The following COX7B variants were observed in gnomAD, a reference collection of about 807,000 sequenced individuals.
COX7B encodes cytochrome c oxidase subunit 7B.
A neutral mutation model predicts 7.9 loss-of-function variants in COX7B; 2 were observed. The observed-to-expected ratio is 0.25, with a 90% CI of 0.10 to 0.79. The LOEUF (loss-of-function observed/expected upper bound fraction) is 0.79, where lower values mean the gene tolerates loss of function less well. Among genes scored for constraint, COX7B ranks in the 30% least tolerant of loss-of-function variants. COX7B has a pLI of 0.69. For missense variants in COX7B, 54 were observed against 62.7 expected (o/e 0.86, Z 0.47); for synonymous variants, 19 against 21.1 (o/e 0.90, Z 0.27).
chrX:77,903,593 T>C (rs1557220817), intron 2 of COX7B, among the ~76,000 whole-genome samples: 1 of 111,206 alleles, frequency 9.0e-6, no homozygotes, highest in African/African-American at 3.3e-5. Context: ...CCCACTTCCA[T>C]ATAACAGCCA....
In COX7B at chrX:77,907,020, A is replaced by C. The variant is rs1168943585; in HGVS notation, c.*1759A>C. ...TTTTTTTGTAGTTTTCTTGATCGTG[A>C]TCAATTAAGCAGAAAGTAGAATTTC... On this transcript the variant is annotated 3_prime_UTR_variant, in exon 3 of 3. Coordinates refer to ENST00000650309, the MANE Select transcript of COX7B (RefSeq NM_001866.3). The C allele has an allele frequency of 1.8e-5, 2 of 109,853 alleles. No individual in the cohort carries two copies. The highest frequency in any genetic ancestry group is 3.3e-5 in the African/African-American group (1 of 30,141). 9.1% of individuals were successfully genotyped at this position (109,853 alleles called of 1,213,427 possible).
chrX:77,904,986 G>A (rs1435500541), intron 2 of COX7B, among the ~76,000 whole-genome samples, 198 bp from the exon 3 acceptor site: 6 of 112,399 alleles, frequency 5.3e-5, no homozygotes, highest in African/African-American at 1.9e-4. Flanking sequence ...AGCTCAAGAA[G>A]TTCTATTGAA....
At chrX:77,903,595 T>TAACA (rs1557220818) in intron 2 of COX7B, among the ~76,000 whole-genome samples, 4 of 111,219 alleles carry the variant, frequency 3.6e-5, no homozygotes. Context: ...CACTTCCATA[T>TAACA]AACAGCCATC....
In COX7B at chrX:77,905,156, G is replaced by A. The variant is rs376608489; in HGVS notation, c.166-28G>A. On this transcript the variant is annotated intron_variant, in intron 2 of 2. Transcript: ENST00000650309. ...AGAGAGTGTACTCTGGTTTAAACAC[G>A]TAACTGACAGCATTTTAATTCTTAC... 39 of 1,134,729 alleles carry A rather than the reference G, an allele frequency of 3.4e-5. No homozygotes were observed. The African/African-American group carries it at 4.3e-4, about 13-fold the overall frequency. The allele number at this position is 1,134,729 out of a possible 1,213,427, so 93.5% of individuals were successfully genotyped here.
intron 2 of COX7B, among the ~76,000 whole-genome samples, 158 bp from the exon 3 acceptor site, chrX:77,905,026 G>A (rs1557220973): frequency 1.8e-5 from 2 of 112,031 alleles, no homozygotes; most frequent in Non-Finnish European, 3.8e-5. Flanking sequence ...AATTAGGACA[G>A]CAATCAGGTT....
intron 2 of COX7B, among the ~76,000 whole-genome samples, chrX:77,903,713 C>T (rs1054526923): frequency 9.0e-6 from 1 of 110,915 alleles, no homozygotes; most frequent in South Asian, 3.8e-4. Flanking sequence ...TTTTTACTGT[C>T]TTGGATCGCC....
chrX:77,899,492 C>T lies in COX7B; in HGVS notation c.-62C>T, dbSNP rs782647960. ...TGTTTTTCAGCTCACTTCAAGGGTA[C>T]CTGAAGCGAATTGGCACCAAAGCAG... On this transcript the variant is annotated 5_prime_UTR_variant, in exon 1 of 3. Transcript: ENST00000650309. 232 of 1,166,991 alleles carry T rather than the reference C, an allele frequency of 2.0e-4. 1 individual carries two copies. Among genetic ancestry groups the T allele is most frequent in the Non-Finnish European group, 2.0e-4 (168 of 857,359 alleles).
chrX:77,904,095 G>C (rs1275258814), intron 2 of COX7B, among the ~76,000 whole-genome samples: 1 of 106,391 alleles, frequency 9.4e-6, no homozygotes, highest in Non-Finnish European at 1.9e-5. Flanking sequence ...ACCATGCCCG[G>C]CTAATTTTTT....
chrX:77,900,219 T>G (rs1307723561), intron 1 of COX7B, among the ~76,000 whole-genome samples: 1 of 110,702 alleles, frequency 9.0e-6, no homozygotes, highest in Non-Finnish European at 1.9e-5. Context: ...ATACAAAAAT[T>G]AGCCGGGCGT....
At position 77,906,736 on chromosome X, in the gene COX7B, T is replaced by G. The variant is rs1557221198; in HGVS notation, c.*1475T>G. On this transcript the variant is annotated 3_prime_UTR_variant, in exon 3 of 3. Coordinates refer to ENST00000650309, the MANE Select transcript of COX7B (RefSeq NM_001866.3). ...TTTGCCTCCCGGATTCAAGTGATTC[T>G]CCTGTCTCAGCCTCCCTAGTAACTG... 1.8e-5 allele frequency: 2 copies of G among 111,311 alleles called. No individual in the cohort carries two copies. The highest frequency in any genetic ancestry group is 6.5e-5 in the African/African-American group (2 of 30,630). The allele number at this position is 111,311 out of a possible 1,213,427, so 9.2% of individuals were successfully genotyped here.
intron 2 of COX7B, among the ~76,000 whole-genome samples, chrX:77,904,656 T>A: frequency 1.9e-5 from 2 of 106,195 alleles, no homozygotes. Flanking sequence ...AAAAAAAAAG[T>A]CTCAAAAAAA....
At chrX:77,901,290 G>A (rs2077119277) in intron 1 of COX7B, among the ~76,000 whole-genome samples, 1 of 106,538 alleles carries the variant, frequency 9.4e-6, no homozygotes. Context: ...TTGTTGCCCA[G>A]GCTGGAGTGC....
At position 77,907,350 on chromosome X, in the gene COX7B, A is replaced by G; in HGVS notation, c.*2089A>G. ...TTGAAGTAAAATAAACATGTATTTA[A>G]GGAAGTGTCAACCTTCAATTATATA... is the stretch of plus-strand genomic sequence containing the variant. On this transcript the variant is annotated 3_prime_UTR_variant, in exon 3 of 3. Coordinates refer to ENST00000650309, the MANE Select transcript of COX7B (RefSeq NM_001866.3). 8.9e-6 allele frequency: 1 copy of G among 112,403 alleles called. No individual in the cohort carries two copies. Among genetic ancestry groups the G allele is most frequent in the East Asian group, 2.8e-4 (1 of 3,619 alleles). The allele number at this position is 112,403 out of a possible 1,213,427, so 9.3% of individuals were successfully genotyped here. A position where few individuals can be genotyped will look rare whatever the true frequency, so the allele number is the denominator to read the frequency against.
chrX:77,901,444 A>G (rs1557220639), intron 1 of COX7B, among the ~76,000 whole-genome samples: 3 of 107,923 alleles, frequency 2.8e-5, no homozygotes, highest in Non-Finnish European at 5.7e-5. Context: ...TAAATTGGAC[A>G]GGAAGAAAAA....
chrX:77,899,533 A>G lies in COX7B; in HGVS notation c.-21A>G, dbSNP rs11552077. ...ACCAAAGCAGCAGCTGTATTGCCGC[A>G]GTTCTAGCTTCACCTTCACGATGTT... On this transcript the variant is annotated 5_prime_UTR_variant, in exon 1 of 3. Transcript: ENST00000650309. 1.4e-5 allele frequency: 17 copies of G among 1,209,085 alleles called. No homozygotes were observed. The highest frequency in any genetic ancestry group is 2.3e-4 in the Middle Eastern group (1 of 4,372).
intron 1 of COX7B, 119 bp from the exon 2 acceptor site, chrX:77,902,524 A>G: frequency 2.7e-6 from 2 of 730,463 alleles, no homozygotes; most frequent in Non-Finnish European, 4.0e-6. Context: ...TTATTGAACT[A>G]CATAATACTG....
chrX:77,902,914 A>AT (rs782433582), intron 2 of COX7B, 147 bp downstream of exon 2: 18 of 471,812 alleles, frequency 3.8e-5, no homozygotes, highest in Admixed American at 2.4e-4. Flanking sequence ...AGTGCAGGGG[A>AT]TTTTTTCCCC....
At chrX:77,903,936 G>GTTTTTT (rs781838016) in intron 2 of COX7B, among the ~76,000 whole-genome samples, 2 of 84,033 alleles carry the variant, frequency 2.4e-5, no homozygotes, top group Non-Finnish European at 4.8e-5. Flanking sequence ...TTTGTTTTTT[G>GTTTTTT]TTTTTTTTTT....
intron 2 of COX7B, 35 bp downstream of exon 2, chrX:77,902,802 TG>T: frequency 8.5e-7 from 1 of 1,177,930 alleles, no homozygotes; most frequent in Non-Finnish European, 1.2e-6. Context: ...CTGTTTCAGA[TG>T]TTTTTCATTC....
Sources: gnomAD v4.1 joint callset for allele counts (sites outside exome capture counted in the v4.1 genomes callset) on GRCh38, gnomAD v4.1.1 for gene constraint, MANE v1.5 for transcripts, NCBI Gene and HGNC (gene_info 2026-07-23, HGNC 2026-07-21) for gene names.